The following MED24 variants were observed in gnomAD, a reference collection of about 807,000 sequenced individuals.
MED24 encodes the protein mediator complex subunit 24.
Under a neutral mutation model 118.8 loss-of-function variants are expected in MED24, and 74 were observed. The observed-to-expected ratio is 0.62, with a 90% CI of 0.52 to 0.76. The LOEUF (loss-of-function observed/expected upper bound fraction) is 0.76, where lower values mean the gene tolerates loss of function less well. Among genes scored for constraint, MED24 ranks in the 30% least tolerant of loss-of-function variants. The pLI is 0.00. For missense variants in MED24, 1,041 were observed against 1,278.9 expected, an observed-to-expected ratio of 0.81 and a Z score of 2.84; for synonymous variants, 521 against 523.9, an observed-to-expected ratio of 0.99 and a Z score of 0.08.
intron 19 of MED24, among the ~76,000 whole-genome samples, chr17:40,024,391 G>A (rs1207129138): frequency 1.3e-5 from 2 of 152,042 alleles, no homozygotes; most frequent in African/African-American, 2.4e-5. Context: ...AAAATTAGCC[G>A]GGTGTGGTGG....
intron 3 of MED24, among the ~76,000 whole-genome samples, chr17:40,040,035 G>A (rs1433194378): frequency 3.3e-5 from 5 of 151,286 alleles, no homozygotes; most frequent in Non-Finnish European, 5.9e-5. Flanking sequence ...TGCCCACCTC[G>A]GCCTCCCAAA....
rs1340735101 is a variant in MED24, at chr17:40,051,050, C to T, written c.213+2248G>A. On this transcript the variant is annotated intron_variant, in intron 3 of 25. Coordinates refer to ENST00000394128, the MANE Select transcript of MED24 (RefSeq NM_014815.4). Reference sequence around the variant, plus strand: ...ACTTGGGAGGCTAAGGCAGGAGAATCGCTTGAACCTGGGAGGCAGAGGTTG... The same window carrying T: ...ACTTGGGAGGCTAAGGCAGGAGAATTGCTTGAACCTGGGAGGCAGAGGTTG... Among the ~76,000 whole-genome samples the T allele has an allele frequency of 6.0e-5, 9 of 149,748 alleles. 1 individual carries two copies. The Admixed American group carries it at 6.0e-4, about 10-fold the overall frequency.
intron 3 of MED24, among the ~76,000 whole-genome samples, chr17:40,042,582 G>T (rs577609978): frequency 1.3e-5 from 2 of 152,060 alleles, no homozygotes; most frequent in African/African-American, 4.8e-5. Flanking sequence ...CTGAGGCAGA[G>T]AATTGCTTGA....
At position 40,031,661 on chromosome 17, in the gene MED24, C is replaced by A. The variant is rs1430859046; in HGVS notation, c.985-41G>T. The A allele has an allele frequency of 1.9e-6, 3 of 1,563,298 alleles. No individual in the cohort carries two copies. In the East Asian group the frequency reaches 6.7e-5, roughly 35 times the overall value. On this transcript the variant is annotated intron_variant, in intron 10 of 25. Transcript: ENST00000394128. ...AGTGTCCATCTGGTTTCCAGGGCCACCAGGCCCTGATCATCTCAGGCAACC... is the reference window on the plus strand; with the variant it reads ...AGTGTCCATCTGGTTTCCAGGGCCAACAGGCCCTGATCATCTCAGGCAACC...
rs1983035599 is a variant in MED24, at chr17:40,028,855, C to T, written c.1380G>A (p.Lys460=). 2 of 1,614,152 alleles carry T rather than the reference C, an allele frequency of 1.2e-6. No homozygotes were observed. The highest frequency in any genetic ancestry group is 2.2e-5 in the East Asian group (1 of 44,870). Residue 460 remains lysine, a synonymous_variant, in exon 14 of 26, where the codon AAG becomes AAA. Transcript: ENST00000394128. ...TGAATTTCCGGGCGAAGGATTTCAG[C>T]TTTCCAGTGGCGGCGGCGGCAGCCA... ...LLLAAAAATG[K]LKSFARKFIN...
chr17:40,049,266 T>A (rs1480701150), intron 3 of MED24, among the ~76,000 whole-genome samples: 1 of 152,158 alleles, frequency 6.6e-6, no homozygotes, highest in African/African-American at 2.4e-5. Flanking sequence ...ACCAAATTAT[T>A]TTCAGTTCCT....
chr17:40,022,277 C>T (rs945187588), intron 22 of MED24, 117 bp downstream of exon 22: 1 of 1,147,004 alleles, frequency 8.7e-7, no homozygotes, highest in Admixed American at 2.2e-5. Flanking sequence ...CATGCCCAGG[C>T]ACAGCTGCCC....
chr17:40,053,726 C>T (rs1986070457), intron 1 of MED24, 91 bp from the exon 2 acceptor site: 6 of 1,507,892 alleles, frequency 4.0e-6, no homozygotes, highest in Admixed American at 3.5e-5. Context: ...GGAGAAGATG[C>T]GGGAAGATTT....
Position 40,032,051 on chromosome 17 carries a change from C to T in MED24, c.976G>A (p.Gly326Arg). 1.2e-6 allele frequency: 2 copies of T among 1,613,822 alleles called. No individual in the cohort carries two copies. Among genetic ancestry groups the T allele is most frequent in the Non-Finnish European group, 1.7e-6 (2 of 1,179,874 alleles). The change falls in exon 10 of 26, where the codon GGA becomes AGA. Residue 326 changes from glycine (G) to arginine (R), a missense_variant. Transcript: ENST00000394128. Reference sequence around the variant, plus strand: ...CTCAATCCCCAACTCACCTTGTCTCCATGAGAGTACTTCTTCAACTTCACC... The same window carrying T: ...CTCAATCCCCAACTCACCTTGTCTCTATGAGAGTACTTCTTCAACTTCACC... Reference protein sequence around the residue: ...VLVKLKKYSHGDKDFTEDVNC... With the variant: ...VLVKLKKYSHRDKDFTEDVNC...
intron 3 of MED24, among the ~76,000 whole-genome samples, chr17:40,050,007 G>A (rs1385441850): frequency 6.6e-6 from 1 of 150,458 alleles, no homozygotes; most frequent in Non-Finnish European, 1.5e-5. Context: ...AAAATTAGCG[G>A]GGCATGGTGG....
intron 3 of MED24, among the ~76,000 whole-genome samples, chr17:40,047,150 A>G (rs1985319295): frequency 6.6e-6 from 1 of 152,224 alleles, no homozygotes; most frequent in African/African-American, 2.4e-5. Flanking sequence ...CTATTAACAT[A>G]TACAACATAA....
chr17:40,031,970 A>G, intron 10 of MED24, 73 bp downstream of exon 10: 2 of 1,509,638 alleles, frequency 1.3e-6, no homozygotes, highest in Non-Finnish European at 1.8e-6. Flanking sequence ...AACACTGCCC[A>G]GCTGGGGCCT....
chr17:40,025,341 G>A (rs1982520209), intron 19 of MED24, among the ~76,000 whole-genome samples: 1 of 152,136 alleles, frequency 6.6e-6, no homozygotes. Flanking sequence ...CCGGCTGTGG[G>A]CCTGCAGTCC....
In MED24 at chr17:40,026,206, C is replaced by G; in HGVS notation, c.1935G>C (p.Gln645His). ...TCTCACTAAACAGTGGCCCTGCCAG[C>G]TGGCGGATCATCTGCAGCGACTTCT... ...EREKSLQMIR[Q>H]LAGPLFSENT... Residue 645 changes from glutamine (Q) to histidine (H), a missense_variant, in exon 19 of 26, where the codon CAG (glutamine) becomes CAC (histidine). Coordinates refer to ENST00000394128, the MANE Select transcript of MED24 (RefSeq NM_014815.4). 1 of 1,614,254 alleles carries G rather than the reference C, an allele frequency of 6.2e-7. No homozygotes were observed. The highest frequency in any genetic ancestry group is 1.1e-5 in the South Asian group (1 of 91,090).
chr17:40,027,707 G>A, intron 15 of MED24: 1 of 678,164 alleles, frequency 1.5e-6, no homozygotes, highest in Non-Finnish European at 2.5e-6. Flanking sequence ...AGGGGGGGAA[G>A]GAGACACAGG....
rs188152384 is a variant in MED24 at position 40,051,122 on chromosome 17, G to A, written c.213+2176C>T. Among the ~76,000 whole-genome samples, 408 of 123,804 alleles carry A rather than the reference G, an allele frequency of 3.3e-3. 2 individuals are homozygous for A. Among genetic ancestry groups the A allele is most frequent in the African/African-American group, 0.012 (395 of 32,634 alleles). The allele number at this position is 123,804 out of a possible 152,430, so 81.2% of individuals were successfully genotyped here. A position where few individuals can be genotyped will look rare whatever the true frequency, so the allele number is the denominator to read the frequency against. On this transcript the variant is annotated intron_variant, in intron 3 of 25. Transcript: ENST00000394128. The stretch of plus-strand genomic sequence containing the variant: ...TTGCACTCCAGCCTGGGCAACAAGA[G>A]CTAGACTCTGTCTCAAAAAAAAAAA...
chr17:40,023,310 C>G lies in MED24; in HGVS notation c.2071G>C (p.Gly691Arg). Residue 691 changes from glycine (G) to arginine (R), a missense_variant, in exon 20 of 26, where the codon GGG becomes CGG. By Grantham distance (125) the Gly-to-Arg change is moderately radical. Transcript: ENST00000394128. ...TTCCAGTAGGGCATTGTGTCCACCC[C>G]GGTGGAGGGAAACTTGATCTGCGTG... is the stretch of plus-strand genomic sequence containing the variant. ...TATQIKFPSTGVDTMPYWNLL... is the reference protein window; with the variant it reads ...TATQIKFPSTRVDTMPYWNLL... 6.2e-7 allele frequency: 1 copy of G among 1,614,030 alleles called. No individual in the cohort carries two copies. Among genetic ancestry groups the G allele is most frequent in the South Asian group, 1.1e-5 (1 of 91,058 alleles).
At chr17:40,026,449 C>T (rs1300506055) in intron 18 of MED24, 118 bp from the exon 19 acceptor site, 2 of 1,297,418 alleles carry the variant, frequency 1.5e-6, no homozygotes, top group East Asian at 2.4e-5. Flanking sequence ...CCACATTCCA[C>T]ACCTCTCTCC....
At position 40,053,395 on chromosome 17, in the gene MED24, G is replaced by A. The variant is rs534979656; in HGVS notation, c.131-15C>T. 1.9e-6 allele frequency: 3 copies of A among 1,613,370 alleles called. No individual in the cohort carries two copies. In the African/African-American group the frequency reaches 4.0e-5, roughly 22 times the overall value. On this transcript the variant is annotated splice_polypyrimidine_tract_variant and intron_variant, in intron 2 of 25. Transcript: ENST00000394128. ...TAGTAACGCATCTGCAAGAGGAATA[G>A]CAAAACACAACTGAGTGATTACAAC...
Sources: gnomAD v4.1 joint callset for allele counts (sites outside exome capture counted in the v4.1 genomes callset) on GRCh38, gnomAD v4.1.1 for gene constraint, MANE v1.5 for transcripts, NCBI Gene and HGNC (gene_info 2026-07-23, HGNC 2026-07-21) for gene names.